The following NXPH1 variants were observed in gnomAD, a reference collection of about 807,000 sequenced individuals.
The protein encoded by NXPH1 is neurexophilin-1.
In NXPH1, 5 loss-of-function variants were observed where a neutral mutation model predicts 23.7. The ratio of observed to expected loss-of-function variants is 0.21; its 90% CI spans 0.11 to 0.44. The LOEUF is 0.44. Among genes scored for constraint, NXPH1 ranks in the 20% least tolerant of loss-of-function variants. The pLI is 0.99. For missense variants in NXPH1, 324 were observed against 321.6 expected (o/e 1.01, Z -0.06); for synonymous variants, 144 against 122.2 (o/e 1.18, Z -1.18).
chr7:8,481,854 T>C lies in NXPH1; in HGVS notation c.54+46087T>C, dbSNP rs148159475. 5.9e-5 allele frequency among the ~76,000 whole-genome samples: 9 copies of C among 152,256 alleles called. No individual in the cohort carries two copies. The East Asian group carries it at 9.7e-4, about 16-fold the overall frequency. On this transcript the variant is annotated intron_variant, in intron 2 of 2. Coordinates refer to ENST00000405863, the MANE Select transcript of NXPH1 (RefSeq NM_152745.3). Reference sequence around the variant, plus strand: ...CCTTCCTCCCCTGTAGTCCCCAGTGTCTATTGTTACCATCCAAATGACTTC... The same window carrying C: ...CCTTCCTCCCCTGTAGTCCCCAGTGCCTATTGTTACCATCCAAATGACTTC...
intron 2 of NXPH1, among the ~76,000 whole-genome samples, chr7:8,639,667 T>A (rs1274657063): frequency 1.3e-5 from 2 of 152,180 alleles, no homozygotes; most frequent in African/African-American, 2.4e-5. Context: ...TCTCCCAGAA[T>A]TCCCACGTAT....
chr7:8,508,202 AAATCATAATT>A (rs2128613542), intron 2 of NXPH1, among the ~76,000 whole-genome samples: 1 of 152,232 alleles, frequency 6.6e-6, no homozygotes, highest in East Asian at 1.9e-4. Flanking sequence ...CTGTGCAACA[AAATCATAATT>A]AGATGAATAC....
At chr7:8,686,293 A>G (rs1821144748) in intron 2 of NXPH1, among the ~76,000 whole-genome samples, 1 of 152,124 alleles carries the variant, frequency 6.6e-6, no homozygotes, top group Admixed American at 6.6e-5. Context: ...CCTTACGTCT[A>G]ATGAAAATTC....
chr7:8,547,618 C>T (rs1045954228), intron 2 of NXPH1, among the ~76,000 whole-genome samples: 1 of 151,192 alleles, frequency 6.6e-6, no homozygotes, highest in African/African-American at 2.4e-5. Context: ...ATCTGTTGCC[C>T]CTAGGTAGTT....
intron 2 of NXPH1, among the ~76,000 whole-genome samples, chr7:8,689,734 A>C (rs1821198454): frequency 6.6e-6 from 1 of 152,202 alleles, no homozygotes; most frequent in African/African-American, 2.4e-5. Context: ...AATGCAATTT[A>C]TAGAAATTAG....
intron 2 of NXPH1, among the ~76,000 whole-genome samples, chr7:8,674,056 T>A (rs1270760095): frequency 1.3e-5 from 2 of 152,006 alleles, no homozygotes; most frequent in African/African-American, 4.8e-5. Flanking sequence ...GTATTGGAGT[T>A]GTGCCTAAGT....
At chr7:8,593,324 T>C (rs560558611) in intron 2 of NXPH1, among the ~76,000 whole-genome samples, 1 of 152,132 alleles carries the variant, frequency 6.6e-6, no homozygotes, top group East Asian at 1.9e-4. Flanking sequence ...ATCATATTTA[T>C]ATTGCCCACC....
chr7:8,577,935 C>T (rs1441494374), intron 2 of NXPH1, among the ~76,000 whole-genome samples: 1 of 152,172 alleles, frequency 6.6e-6, no homozygotes, highest in African/African-American at 2.4e-5. Flanking sequence ...AGAAGTGGAT[C>T]ATCCAGCCCT....
chr7:8,606,516 A>G (rs1285649902), intron 2 of NXPH1, among the ~76,000 whole-genome samples: 1 of 152,122 alleles, frequency 6.6e-6, no homozygotes. Flanking sequence ...TCCTCTGCTG[A>G]GCTAAAAACA....
rs555003654 is a variant in NXPH1 at position 8,476,116 on chromosome 7, A to G, written c.54+40349A>G. Among the ~76,000 whole-genome samples the G allele has an allele frequency of 7.9e-5, 12 of 152,250 alleles. No individual in the cohort carries two copies. The South Asian group carries it at 1.4e-3, about 18-fold the overall frequency. ...CAGTAGGTTTCTTAACATTTTGGGG[A>G]CCATAGGCCCTTTTCTAAATCTGAA... On this transcript the variant is annotated intron_variant, in intron 2 of 2. Transcript: ENST00000405863.
At chr7:8,504,825 A>G (rs1421025771) in intron 2 of NXPH1, among the ~76,000 whole-genome samples, 1 of 152,112 alleles carries the variant, frequency 6.6e-6, no homozygotes, top group Non-Finnish European at 1.5e-5. Context: ...TATAATGAGA[A>G]GATGGGCAAC....
intron 2 of NXPH1, among the ~76,000 whole-genome samples, chr7:8,454,921 G>T (rs192168426): frequency 3.5e-4 from 54 of 152,248 alleles, no homozygotes; most frequent in Non-Finnish European, 7.6e-4. Context: ...GTATTTCAGA[G>T]ACAGAAAATG....
At chr7:8,638,206 A>G (rs917796413) in intron 2 of NXPH1, among the ~76,000 whole-genome samples, 18 of 152,220 alleles carry the variant, frequency 1.2e-4, no homozygotes, top group African/African-American at 3.6e-4. Context: ...AGAAGAGCCA[A>G]CATCTACAAT....
At chr7:8,471,808 A>C (rs527677499) in intron 2 of NXPH1, among the ~76,000 whole-genome samples, 51 of 152,208 alleles carry the variant, frequency 3.4e-4, no homozygotes, top group Admixed American at 9.2e-4. Context: ...CCTTTGTTCA[A>C]CTATACAGGA....
intron 2 of NXPH1, among the ~76,000 whole-genome samples, chr7:8,487,223 G>A (rs1229005346): frequency 6.6e-6 from 1 of 152,010 alleles, no homozygotes; most frequent in Non-Finnish European, 1.5e-5. Flanking sequence ...ATATGGTTTG[G>A]CTGTGCCTCC....
At chr7:8,568,893 C>T (rs940609882) in intron 2 of NXPH1, among the ~76,000 whole-genome samples, 11 of 151,774 alleles carry the variant, frequency 7.2e-5, no homozygotes, top group Non-Finnish European at 5.9e-5. Flanking sequence ...GACCCATTTA[C>T]TGAGCAATGC....
intron 2 of NXPH1, among the ~76,000 whole-genome samples, chr7:8,440,076 A>G (rs1253593073): frequency 6.6e-6 from 1 of 152,216 alleles, no homozygotes; most frequent in Non-Finnish European, 1.5e-5. Context: ...CTCTTCTACT[A>G]CAGACCAGCC....
At chr7:8,696,321 C>G (rs574362850) in intron 2 of NXPH1, among the ~76,000 whole-genome samples, 1 of 152,292 alleles carries the variant, frequency 6.6e-6, no homozygotes, top group South Asian at 2.1e-4. Context: ...ACTCTAATGA[C>G]TATGGGGACA....
intron 2 of NXPH1, among the ~76,000 whole-genome samples, chr7:8,608,067 C>G (rs1819537713): frequency 6.6e-6 from 1 of 152,238 alleles, no homozygotes; most frequent in South Asian, 2.1e-4. Flanking sequence ...AGAGAGAACA[C>G]TGCTTTGCTG....
Sources: gnomAD v4.1 joint callset for allele counts (sites outside exome capture counted in the v4.1 genomes callset) on GRCh38, gnomAD v4.1.1 for gene constraint, MANE v1.5 for transcripts, NCBI Gene and HGNC (gene_info 2026-07-23, HGNC 2026-07-21) for gene names.